Variants in RAB21 observed in about 807,000 individuals in gnomAD.
RAB21 encodes ras-related protein Rab-21.
A neutral mutation model predicts 33.1 loss-of-function variants in RAB21; 13 were observed. The ratio of observed to expected loss-of-function variants is 0.39; its 90% CI spans 0.26 to 0.62. The LOEUF (loss-of-function observed/expected upper bound fraction) is 0.62. Among genes scored for constraint, RAB21 ranks in the 20% least tolerant of loss-of-function variants. The probability of loss-of-function intolerance (pLI) is 0.48; values close to 1 mark genes in which losing one functional copy is unlikely to be tolerated. For synonymous variants in RAB21, 91 were observed against 103.7 expected, an observed-to-expected ratio of 0.88 and a Z score of 0.74; for missense variants, 234 against 279.1, an observed-to-expected ratio of 0.84 and a Z score of 1.15.
At chr12:71,761,461 C>T (rs1320050294) in intron 1 of RAB21, among the ~76,000 whole-genome samples, 2 of 152,072 alleles carry the variant, frequency 1.3e-5, no homozygotes, top group African/African-American at 4.8e-5. Context: ...GGTGGATCAC[C>T]TGAGGTCAGG....
At chr12:71,772,737 A>G (rs1262983093) in intron 3 of RAB21, among the ~76,000 whole-genome samples, 4 of 152,210 alleles carry the variant, frequency 2.6e-5, no homozygotes, top group African/African-American at 9.6e-5. Flanking sequence ...TTCTTATGTG[A>G]AATCAATAAA....
In RAB21 at chr12:71,791,192, G is replaced by C. The variant is rs1386815077; in HGVS notation, c.*5519G>C. On this transcript the variant is annotated 3_prime_UTR_variant, in exon 7 of 7. Coordinates refer to ENST00000261263, the MANE Select transcript of RAB21 (RefSeq NM_014999.4). ...TTTAGTAGAGATGGGAAGTCTTGCT[G>C]TGTTGCCCAGGCTGGTCTTGAACTC... 1 of 153,682 alleles carries C rather than the reference G, an allele frequency of 6.5e-6. No homozygotes were observed. Among genetic ancestry groups the C allele is most frequent in the Non-Finnish European group, 1.4e-5 (1 of 69,406 alleles). 9.5% of individuals were successfully genotyped at this position (153,682 alleles called of 1,614,324 possible).
intron 1 of RAB21, among the ~76,000 whole-genome samples, chr12:71,756,108 G>A (rs1344916013): frequency 1.3e-5 from 2 of 152,166 alleles, no homozygotes; most frequent in East Asian, 1.9e-4. Flanking sequence ...GATGTTATTA[G>A]GAGAAATTTA....
At chr12:71,763,433 CTTTT>C (rs759026292) in intron 1 of RAB21, among the ~76,000 whole-genome samples, 5 of 151,872 alleles carry the variant, frequency 3.3e-5, no homozygotes, top group Non-Finnish European at 7.4e-5. Context: ...TCTTATAATC[CTTTT>C]TTTAAGTTTT....
At chr12:71,763,424 CTT>C (rs1433933253) in intron 1 of RAB21, among the ~76,000 whole-genome samples, 1 of 152,052 alleles carries the variant, frequency 6.6e-6, no homozygotes, top group Admixed American at 6.5e-5. Context: ...TTATTTCTCT[CTT>C]ATAATCCTTT....
In RAB21 at chr12:71,798,526, T is replaced by C. The variant is rs1019392039; in HGVS notation, c.*12853T>C. 1 of 151,836 alleles carries C rather than the reference T, an allele frequency of 6.6e-6. No individual in the cohort carries two copies. The highest frequency in any genetic ancestry group is 1.5e-5 in the Non-Finnish European group (1 of 67,968). The allele number at this position is 151,836 out of a possible 1,614,324, so 9.4% of individuals were successfully genotyped here. A position where few individuals can be genotyped will look rare whatever the true frequency, so the allele number is the denominator to read the frequency against. On this transcript the variant is annotated 3_prime_UTR_variant, in exon 7 of 7. Transcript: ENST00000261263. ...CATTGCTTAATTTATAAAGAACACC[T>C]AGAAATGAAAAAGTCCAATGATCCA...
At position 71,792,384 on chromosome 12, in the gene RAB21, C is replaced by T. The variant is rs1883399132; in HGVS notation, c.*6711C>T. 1 of 152,090 alleles carries T rather than the reference C, an allele frequency of 6.6e-6. No homozygotes were observed. Among genetic ancestry groups the T allele is most frequent in the African/African-American group, 2.4e-5 (1 of 41,412 alleles). The allele number at this position is 152,090 out of a possible 1,614,324, so 9.4% of individuals were successfully genotyped here. A position where few individuals can be genotyped will look rare whatever the true frequency, so the allele number is the denominator to read the frequency against. ...ATGTACAAGTCCAAGCTCCTTAATA[C>T]ACATAAAACTCTGGGTTGGGCTCAT... On this transcript the variant is annotated 3_prime_UTR_variant, in exon 7 of 7. Coordinates refer to ENST00000261263, the MANE Select transcript of RAB21 (RefSeq NM_014999.4).
At chr12:71,764,530 T>G (rs1010648436) in intron 1 of RAB21, among the ~76,000 whole-genome samples, 2 of 152,178 alleles carry the variant, frequency 1.3e-5, no homozygotes, top group South Asian at 4.1e-4. Context: ...AGTTCTTTAG[T>G]GGTGATTTCT....
chr12:71,771,930 C>T (rs1883048708), intron 3 of RAB21, among the ~76,000 whole-genome samples: 2 of 151,174 alleles, frequency 1.3e-5, no homozygotes, highest in Non-Finnish European at 1.5e-5. Flanking sequence ...GAGCCTAGAT[C>T]GCGCCACTGG....
intron 1 of RAB21, 26 bp downstream of exon 1, chr12:71,755,314 G>T (rs1234792847): frequency 4.2e-5 from 62 of 1,486,904 alleles, no homozygotes; most frequent in Non-Finnish European, 4.9e-5. Flanking sequence ...AGCGGGAGGG[G>T]GCGCCTCAGG....
intron 1 of RAB21, among the ~76,000 whole-genome samples, chr12:71,761,713 A>C (rs539040691): frequency 6.6e-6 from 1 of 152,246 alleles, no homozygotes; most frequent in African/African-American, 2.4e-5. Context: ...AAATTTAAAA[A>C]ATAGAAATGG....
intron 1 of RAB21, among the ~76,000 whole-genome samples, chr12:71,760,599 C>CT (rs1298838378): frequency 2.0e-5 from 3 of 152,196 alleles, no homozygotes; most frequent in East Asian, 1.9e-4. Context: ...GAGCAAGGTA[C>CT]TTTAACTATC....
At chr12:71,779,960 C>A (rs1454334293) in intron 4 of RAB21, among the ~76,000 whole-genome samples, 1 of 152,158 alleles carries the variant, frequency 6.6e-6, no homozygotes, top group East Asian at 1.9e-4. Flanking sequence ...AGGTCAGTCA[C>A]TAGCCAGTCA....
At chr12:71,755,352 C>T in intron 1 of RAB21, 64 bp downstream of exon 1, 1 of 1,415,968 alleles carries the variant, frequency 7.1e-7, no homozygotes, top group Middle Eastern at 1.9e-4. Flanking sequence ...GCTGGGGAAA[C>T]TTTGCCGCCC....
chr12:71,755,801 G>A (rs999364093), intron 1 of RAB21, among the ~76,000 whole-genome samples: 1 of 152,152 alleles, frequency 6.6e-6, no homozygotes, highest in Admixed American at 6.5e-5. Context: ...TGAAATGACC[G>A]CTTGCCTAGG....
intron 1 of RAB21, among the ~76,000 whole-genome samples, chr12:71,760,376 TAG>T (rs1882854366): frequency 6.6e-6 from 1 of 151,132 alleles, no homozygotes; most frequent in Non-Finnish European, 1.5e-5. Flanking sequence ...TTAACTTATA[TAG>T]AGTCCCCAAG....
At chr12:71,772,159 A>G (rs1883052854) in intron 3 of RAB21, among the ~76,000 whole-genome samples, 1 of 152,138 alleles carries the variant, frequency 6.6e-6, no homozygotes, top group Non-Finnish European at 1.5e-5. Flanking sequence ...GCTGCACTGA[A>G]CTGGGAGTTT....
Position 71,779,348 on chromosome 12 carries a change from C to T in RAB21, c.392-2683C>T, listed in dbSNP as rs558257569. ...GGTGGTGTGTGCCTGTAGTCCCACT[C>T]GGGGCTGAGGCAGGAGAATCGCTTG... On this transcript the variant is annotated intron_variant, in intron 4 of 6. Coordinates refer to ENST00000261263, the MANE Select transcript of RAB21 (RefSeq NM_014999.4). 3.3e-5 allele frequency among the ~76,000 whole-genome samples: 5 copies of T among 152,122 alleles called. No homozygotes were observed. The East Asian group carries it at 5.8e-4, about 18-fold the overall frequency.
chr12:71,773,924 G>A, intron 3 of RAB21, 35 bp from the exon 4 acceptor site: 1 of 1,463,436 alleles, frequency 6.8e-7, no homozygotes. Flanking sequence ...ATTCCAACAG[G>A]ATTTGTTTTA....
Sources: gnomAD v4.1 joint callset for allele counts (sites outside exome capture counted in the v4.1 genomes callset) on GRCh38, gnomAD v4.1.1 for gene constraint, MANE v1.5 for transcripts, NCBI Gene and HGNC (gene_info 2026-07-23, HGNC 2026-07-21) for gene names.